Variants in IKBKB observed in about 807,000 individuals in gnomAD.
The protein encoded by IKBKB is inhibitor of nuclear factor kappa B kinase subunit beta.
In IKBKB, 42 loss-of-function variants were observed where a neutral mutation model predicts 113.6. The ratio of observed to expected loss-of-function variants is 0.37; its 90% confidence interval spans 0.29 to 0.48. The LOEUF is 0.48. Ranked by LOEUF, IKBKB falls within the 20% of genes least tolerant of loss-of-function variation. The pLI, the probability that IKBKB is intolerant of heterozygous loss-of-function variation, is 0.99. For synonymous variants in IKBKB, 296 were observed against 361.3 expected, an observed-to-expected ratio of 0.82 and a Z score of 2.05; for missense variants, 673 against 939.7, an observed-to-expected ratio of 0.72 and a Z score of 3.71.
chr8:42,329,676 C>A (rs1186791207), intron 21 of IKBKB: 7 of 985,210 alleles, frequency 7.1e-6, no homozygotes, highest in Non-Finnish European at 8.4e-6. Flanking sequence ...CCCACCTGCA[C>A]CATTGGTACT....
intron 5 of IKBKB, chr8:42,297,945 G>T: frequency 8.9e-6 from 2 of 223,888 alleles, no homozygotes; most frequent in Non-Finnish European, 1.5e-5. Flanking sequence ...ACAGAGGTGA[G>T]CCCCCTGCAT....
chr8:42,298,825 A>G (rs1296938941), intron 5 of IKBKB, among the ~76,000 whole-genome samples: 2 of 151,998 alleles, frequency 1.3e-5, no homozygotes, highest in Non-Finnish European at 2.9e-5. Context: ...GGTTTTCAGG[A>G]TGGTGGCCCC....
chr8:42,329,397 A>C (rs1821386471), intron 21 of IKBKB, 183 bp downstream of exon 21: 1 of 1,059,348 alleles, frequency 9.4e-7, no homozygotes, highest in Non-Finnish European at 1.2e-6. Flanking sequence ...ATCTTGGCTC[A>C]CTGCAACCTC....
chr8:42,309,397 A>T (rs1048594096), intron 8 of IKBKB: 1 of 363,758 alleles, frequency 2.7e-6, no homozygotes, highest in Non-Finnish European at 5.4e-6. Context: ...GTCAGGAGGA[A>T]ATATGTGAAA....
intron 2 of IKBKB, among the ~76,000 whole-genome samples, chr8:42,282,387 A>G (rs895444879): frequency 6.6e-6 from 1 of 152,190 alleles, no homozygotes; most frequent in Non-Finnish European, 1.5e-5. Flanking sequence ...AAATATTTTT[A>G]GTAGAGACAG....
chr8:42,271,399 G>A lies in IKBKB; in HGVS notation c.-89G>A. On this transcript the variant is annotated 5_prime_UTR_variant, in exon 1 of 22. Coordinates refer to ENST00000520810, the MANE Select transcript of IKBKB (RefSeq NM_001556.3). ...TTTTCAGGGGGGTGTCATAGCCCCG[G>A]GTTTGGCCGCCCCAGCCCCGCCTTC... The A allele has an allele frequency of 2.0e-6, 3 of 1,516,678 alleles. 1 individual carries two copies. Among genetic ancestry groups the A allele is most frequent in the Non-Finnish European group, 8.8e-7 (1 of 1,131,972 alleles). 94.0% of individuals were successfully genotyped at this position (1,516,678 alleles called of 1,614,324 possible).
intron 2 of IKBKB, among the ~76,000 whole-genome samples, chr8:42,281,662 G>C (rs796803296): frequency 2.6e-5 from 4 of 152,170 alleles, no homozygotes; most frequent in Non-Finnish European, 5.9e-5. Flanking sequence ...GCTGGATCCC[G>C]GACCTTTTTG....
chr8:42,316,318 G>A lies in IKBKB; in HGVS notation c.909G>A (p.Leu303=), dbSNP rs199744450. The change falls in exon 10 of 22, where the codon CTG becomes CTA. Residue 303 remains leucine, a synonymous_variant. Transcript: ENST00000520810. This position sits in a 1 kb window ranked among gnomAD's most constrained non-coding sequence, Gnocchi z 4.5. The stretch of plus-strand genomic sequence containing the variant: ...GGCCCAATGGCTGCTTCAAGGCCCT[G>A]GATGACATCTTAAACTTAAAGGTGA... ...TYGPNGCFKA[L]DDILNLKLVH... is the part of the protein sequence containing the mutation. 3 of 1,614,164 alleles carry A rather than the reference G, an allele frequency of 1.9e-6. No individual in the cohort carries two copies. The highest frequency in any genetic ancestry group is 1.7e-6 in the Non-Finnish European group (2 of 1,180,016).
chr8:42,319,559 G>GTTTT lies in IKBKB; in HGVS notation c.1517-24_1517-21dup, dbSNP rs751303909. The stretch of plus-strand genomic sequence containing the variant: ...TGGTGTTTTTATTTTGTTTTGTTTT[G>GTTTT]TTTTTCCTTCTCAATTTTTTTTCAG... On this transcript the variant is annotated intron_variant, in intron 14 of 21. Transcript: ENST00000520810. 8.2e-6 allele frequency: 13 copies of GTTTT among 1,581,534 alleles called. No individual in the cohort carries two copies. In the African/African-American group the frequency reaches 1.7e-4, roughly 20 times the overall value.
intron 2 of IKBKB, among the ~76,000 whole-genome samples, chr8:42,287,048 C>T (rs914089320): frequency 4.6e-5 from 7 of 152,308 alleles, no homozygotes; most frequent in East Asian, 1.9e-4. Context: ...GCTGCTGCCC[C>T]GCAGTTGTCT....
In IKBKB at chr8:42,309,024, T is replaced by C; in HGVS notation, c.691T>C (p.Trp231Arg). ...PFLPNWQPVQ[W>R]HSKVRQKSEV... ...CCTCCCCAACTGGCAGCCCGTGCAG[T>C]GGTGAGTGGGCCCGGGGCACCTGGA... Residue 231 changes from tryptophan (W) to arginine (R), a missense_variant and splice_region_variant, in exon 8 of 22, where the codon TGG (tryptophan) becomes CGG (arginine). Around this residue, in one of 2 missense-constraint regions of IKBKB, gnomAD observed 167 missense variants for 301.0 expected, o/e 0.55. Transcript: ENST00000520810. The C allele has an allele frequency of 5.6e-6, 9 of 1,613,514 alleles. No homozygotes were observed. The highest frequency in any genetic ancestry group is 7.6e-6 in the Non-Finnish European group (9 of 1,179,656).
Position 42,331,114 on chromosome 8 carries a change from G to T in IKBKB, c.*135G>T. ...GGCTGCCTGGCCGCGGCTCTCACAT[G>T]GTGGTTCCTGCTGCACTGATGGCCC... is the stretch of plus-strand genomic sequence containing the variant. On this transcript the variant is annotated 3_prime_UTR_variant, in exon 22 of 22. Transcript: ENST00000520810. 1 of 1,342,724 alleles carries T rather than the reference G, an allele frequency of 7.4e-7. No individual in the cohort carries two copies. The highest frequency in any genetic ancestry group is 1.2e-5 in the South Asian group (1 of 81,092). 83.2% of individuals were successfully genotyped at this position (1,342,724 alleles called of 1,614,324 possible). A position where few individuals can be genotyped will look rare whatever the true frequency, so the allele number is the denominator to read the frequency against.
At chr8:42,313,398 T>C (rs1165691816) in intron 8 of IKBKB, among the ~76,000 whole-genome samples, 1 of 152,106 alleles carries the variant, frequency 6.6e-6, no homozygotes, top group Non-Finnish European at 1.5e-5. Flanking sequence ...CTGCAGTAAG[T>C]TATGATTGTG....
Position 42,290,143 on chromosome 8 carries a change from TTCC to T in IKBKB, c.201-5_201-3del. On this transcript the variant is annotated splice_polypyrimidine_tract_variant and intron_variant, in intron 3 of 21. Transcript: ENST00000520810. ...GAGCCTGGGTCTGCTCTCATCGGTT[TTCC>T]TCCTCCTAGGCTGACCCACCCCAAT... 6.2e-7 allele frequency: 1 copy of T among 1,601,986 alleles called. No homozygotes were observed. Among genetic ancestry groups the T allele is most frequent in the Non-Finnish European group, 8.6e-7 (1 of 1,169,532 alleles).
At chr8:42,295,498 G>A (rs1813586790) in intron 5 of IKBKB, among the ~76,000 whole-genome samples, 2 of 152,118 alleles carry the variant, frequency 1.3e-5, no homozygotes, top group African/African-American at 2.4e-5. Context: ...GGGCTGATGC[G>A]GGTGGATCAC....
intron 5 of IKBKB, chr8:42,297,985 A>G (rs1011165612): frequency 3.8e-6 from 2 of 519,572 alleles, no homozygotes; most frequent in African/African-American, 4.2e-5. Flanking sequence ...CCAGACCATC[A>G]CTCCATGCTG....
In IKBKB at chr8:42,331,010, C is replaced by T. The variant is rs201402040; in HGVS notation, c.*31C>T. ...GGGGACTCGACCCCCTGACATGGGGCAGCCCATAGCAGGCCTTGTGCAGTG... is the reference window on the plus strand; with the variant it reads ...GGGGACTCGACCCCCTGACATGGGGTAGCCCATAGCAGGCCTTGTGCAGTG... On this transcript the variant is annotated 3_prime_UTR_variant, in exon 22 of 22. Coordinates refer to ENST00000520810, the MANE Select transcript of IKBKB (RefSeq NM_001556.3). 17 of 1,601,946 alleles carry T rather than the reference C, an allele frequency of 1.1e-5. No homozygotes were observed. Among genetic ancestry groups the T allele is most frequent in the Non-Finnish European group, 1.5e-5 (17 of 1,171,578 alleles).
chr8:42,278,897 G>T (rs1169945323), intron 2 of IKBKB, among the ~76,000 whole-genome samples: 1 of 152,192 alleles, frequency 6.6e-6, no homozygotes, highest in African/African-American at 2.4e-5. Context: ...AGGAGGCTGA[G>T]GCAGGAGAAT....
intron 8 of IKBKB, chr8:42,309,586 C>T: frequency 3.5e-6 from 1 of 283,460 alleles, no homozygotes; most frequent in Non-Finnish European, 7.1e-6. Context: ...AAAACCCTGT[C>T]TCTACTAAAA....
Sources: allele counts gnomAD v4.1 joint callset (sites outside exome capture counted in the v4.1 genomes callset), GRCh38; gene constraint gnomAD v4.1.1; regional missense constraint gnomAD v4.1.1; non-coding constraint Gnocchi (gnomAD v3.1); transcripts MANE v1.5; gene names NCBI Gene and HGNC (gene_info 2026-07-23, HGNC 2026-07-21).